The following CUL5 variants were observed in gnomAD, a reference collection of about 807,000 sequenced individuals.
The protein encoded by CUL5 is cullin 5.
In CUL5, 26 loss-of-function variants were observed where a neutral mutation model predicts 108.8. The observed-to-expected ratio is 0.24, with a 90% CI of 0.18 to 0.33. The LOEUF (loss-of-function observed/expected upper bound fraction) is 0.33. Ranked by LOEUF, CUL5 falls within the 10% of genes least tolerant of loss-of-function variation. The pLI is 1.00. For missense variants in CUL5, 524 were observed against 909.2 expected (o/e 0.58, Z 5.45); for synonymous variants, 334 against 298.0 (o/e 1.12, Z -1.25).
At chr11:108,068,640 ATTTG>A (rs1591312616) in intron 7 of CUL5, among the ~76,000 whole-genome samples, 1 of 152,260 alleles carries the variant, frequency 6.6e-6, no homozygotes, top group East Asian at 1.9e-4. Flanking sequence ...CAGATAGATG[ATTTG>A]TTTTTCAGAA....
intron 11 of CUL5, among the ~76,000 whole-genome samples, chr11:108,087,570 A>G (rs1016044039): frequency 1.3e-5 from 2 of 152,206 alleles, no homozygotes; most frequent in Admixed American, 6.5e-5. Context: ...AGCCTGGACA[A>G]TATAGATAGT....
At chr11:108,041,812 G>A (rs1214283151) in intron 2 of CUL5, among the ~76,000 whole-genome samples, 2 of 151,980 alleles carry the variant, frequency 1.3e-5, no homozygotes, top group East Asian at 1.9e-4. Flanking sequence ...GGCTGGTCTC[G>A]AACTCCTAAC....
At chr11:108,053,678 CTTT>C (rs35844502) in intron 5 of CUL5, among the ~76,000 whole-genome samples, 12 of 129,328 alleles carry the variant, frequency 9.3e-5, no homozygotes, top group African/African-American at 2.3e-4. Flanking sequence ...GTATACCATG[CTTT>C]TTTTTTTTTT....
intron 2 of CUL5, among the ~76,000 whole-genome samples, chr11:108,042,330 T>C (rs547324590): frequency 7.3e-5 from 11 of 150,578 alleles, no homozygotes; most frequent in African/African-American, 2.7e-4. Context: ...GCAATTCTCA[T>C]GCCTCAGCCT....
intron 8 of CUL5, among the ~76,000 whole-genome samples, chr11:108,070,976 A>G (rs889476253): frequency 1.3e-5 from 2 of 152,184 alleles, no homozygotes; most frequent in Non-Finnish European, 2.9e-5. Flanking sequence ...TGTCTGATCT[A>G]TGTTGCACTC....
intron 1 of CUL5, among the ~76,000 whole-genome samples, chr11:108,021,540 A>G (rs1286349618): frequency 1.3e-5 from 2 of 152,168 alleles, no homozygotes; most frequent in Non-Finnish European, 2.9e-5. Flanking sequence ...ACTGGAGTGC[A>G]GTGGGATTAT....
rs575029662 is a variant in CUL5 at position 108,059,042 on chromosome 11, C to G, written c.780+4087C>G. 2.6e-5 allele frequency among the ~76,000 whole-genome samples: 4 copies of G among 152,238 alleles called. No homozygotes were observed. The South Asian group carries it at 8.3e-4, about 32-fold the overall frequency. On this transcript the variant is annotated intron_variant, in intron 7 of 18. Coordinates refer to ENST00000393094, the MANE Select transcript of CUL5 (RefSeq NM_003478.6). ...TAAGAGGCAGAGTCTCGCTATGTTG[C>G]CCAGGCTGGAGTGCAGTGGCTGTTC... is the stretch of plus-strand genomic sequence containing the variant.
At chr11:108,050,371 CTTTT>C (rs879764017) in intron 4 of CUL5, among the ~76,000 whole-genome samples, 1 of 144,904 alleles carries the variant, frequency 6.9e-6, no homozygotes. Context: ...TCTTTGTACT[CTTTT>C]TTTTTTTTTA....
At chr11:108,071,870 G>A (rs1176806970) in intron 8 of CUL5, among the ~76,000 whole-genome samples, 3 of 151,486 alleles carry the variant, frequency 2.0e-5, no homozygotes, top group South Asian at 2.1e-4. Context: ...CTTTTAATTC[G>A]ATTTTTTTTT....
rs1195828926 is a variant in CUL5, at chr11:108,027,867, T to C, written c.25-5935T>C. On this transcript the variant is annotated intron_variant, in intron 1 of 18. Coordinates refer to ENST00000393094, the MANE Select transcript of CUL5 (RefSeq NM_003478.6). ...AGGAGAAATTCTTAAAATTGATTATTCTGTCTTTCTGACACACTTTATTTA... is the reference window on the plus strand; with the variant it reads ...AGGAGAAATTCTTAAAATTGATTATCCTGTCTTTCTGACACACTTTATTTA... Among the ~76,000 whole-genome samples, 4 of 152,214 alleles carry C rather than the reference T, an allele frequency of 2.6e-5. No individual in the cohort carries two copies. In the East Asian group the frequency reaches 7.7e-4, roughly 29 times the overall value.
rs1438055305 is a variant in CUL5 at position 108,049,825 on chromosome 11, G to A, written c.235-65G>A. 5 of 1,286,104 alleles carry A rather than the reference G, an allele frequency of 3.9e-6. No homozygotes were observed. The African/African-American group carries it at 6.0e-5, about 15-fold the overall frequency. 79.7% of individuals were successfully genotyped at this position (1,286,104 alleles called of 1,614,324 possible). A position where few individuals can be genotyped will look rare whatever the true frequency, so the allele number is the denominator to read the frequency against. ...TTATGTACAATTTAAATTTTGGCAT[G>A]AATATGTTCTTAATTTTTCAAAGCA... On this transcript the variant is annotated intron_variant, in intron 3 of 18. Transcript: ENST00000393094.
At chr11:108,054,436 A>G (rs1863321886) in intron 5 of CUL5, among the ~76,000 whole-genome samples, 1 of 152,128 alleles carries the variant, frequency 6.6e-6, no homozygotes, top group Admixed American at 6.5e-5. Context: ...AATAGTCTAT[A>G]TTATCTGTAT....
chr11:108,017,774 C>T (rs1266388388), intron 1 of CUL5, among the ~76,000 whole-genome samples: 1 of 151,954 alleles, frequency 6.6e-6, no homozygotes, highest in Non-Finnish European at 1.5e-5. Flanking sequence ...TGCTTGAGCA[C>T]AGATCAAGGC....
chr11:108,061,174 T>TGA (rs1465851606), intron 7 of CUL5, among the ~76,000 whole-genome samples: 1 of 152,198 alleles, frequency 6.6e-6, no homozygotes, highest in African/African-American at 2.4e-5. Flanking sequence ...GAATACAAGG[T>TGA]GAGAGAGATG....
intron 18 of CUL5, among the ~76,000 whole-genome samples, chr11:108,099,676 T>C (rs1164500939): frequency 6.6e-6 from 1 of 152,190 alleles, no homozygotes; most frequent in East Asian, 1.9e-4. Context: ...ATGTGAACAT[T>C]ACCCAATTAA....
chr11:108,017,819 C>T (rs1862240574), intron 1 of CUL5, among the ~76,000 whole-genome samples: 2 of 151,938 alleles, frequency 1.3e-5, no homozygotes, highest in South Asian at 2.1e-4. Context: ...TGCACTCTAG[C>T]CTGGACGACA....
intron 7 of CUL5, 45 bp from the exon 8 acceptor site, chr11:108,070,051 C>A: frequency 8.2e-7 from 1 of 1,212,992 alleles, no homozygotes; most frequent in Non-Finnish European, 1.2e-6. Context: ...TAGATTTGTG[C>A]TATACAGCTT....
chr11:108,094,895 C>T lies in CUL5; in HGVS notation c.1651C>T (p.Leu551=). ...AGTCTTTGTCTCACTTCCTACTGAA[C>T]TGGAGGACTTGATACCGGAAGTAGA... is the stretch of plus-strand genomic sequence containing the variant. ...EKVFVSLPTE[L]EDLIPEVEEF... is the part of the protein sequence containing the mutation. The change falls in exon 15 of 19, where the codon CTG becomes TTG. Residue 551 remains leucine (L), a synonymous_variant. Coordinates refer to ENST00000393094, the MANE Select transcript of CUL5 (RefSeq NM_003478.6). 6.2e-7 allele frequency: 1 copy of T among 1,613,258 alleles called. No individual in the cohort carries two copies. Among genetic ancestry groups the T allele is most frequent in the Non-Finnish European group, 8.5e-7 (1 of 1,179,470 alleles).
At chr11:108,074,369 A>G (rs918445850) in intron 10 of CUL5, among the ~76,000 whole-genome samples, 1 of 150,952 alleles carries the variant, frequency 6.6e-6, no homozygotes, top group African/African-American at 2.4e-5. Context: ...TAATTTTTGT[A>G]TTTTTACTAC....
Sources: allele counts gnomAD v4.1 joint callset (sites outside exome capture counted in the v4.1 genomes callset), GRCh38; gene constraint gnomAD v4.1.1; transcripts MANE v1.5; gene names NCBI Gene and HGNC (gene_info 2026-07-23, HGNC 2026-07-21).